The following CLASP1 variants were observed in gnomAD, a reference collection of about 807,000 sequenced individuals.
CLASP1 encodes cytoplasmic linker associated protein 1, also known as CLIP-associating protein 1.
A neutral mutation model predicts 192.3 loss-of-function variants in CLASP1; 38 were observed. The observed-to-expected ratio is 0.20, with a 90% CI of 0.15 to 0.26. The LOEUF (loss-of-function observed/expected upper bound fraction) is 0.26. Ranked by LOEUF, CLASP1 falls within the 10% of genes least tolerant of loss-of-function variation. CLASP1 has a pLI of 1.00. For missense variants in CLASP1, 1,433 were observed against 1,932.5 expected, an observed-to-expected ratio of 0.74 and a Z score of 4.85; for synonymous variants, 691 against 712.8, an observed-to-expected ratio of 0.97 and a Z score of 0.49.
chr2:121,532,176 T>C (rs2094911653), intron 2 of CLASP1, among the ~76,000 whole-genome samples: 1 of 152,220 alleles, frequency 6.6e-6, no homozygotes, highest in Admixed American at 6.5e-5. Context: ...ATTGGCCCAA[T>C]AATCCCCACA....
chr2:121,563,321 A>T (rs2059249699), intron 2 of CLASP1, among the ~76,000 whole-genome samples: 2 of 152,200 alleles, frequency 1.3e-5, no homozygotes, highest in Admixed American at 6.5e-5. Context: ...CATCACATTG[A>T]AAAAGGAGAT....
intron 2 of CLASP1, among the ~76,000 whole-genome samples, chr2:121,584,469 C>A (rs764369923): frequency 6.6e-6 from 1 of 152,128 alleles, no homozygotes; most frequent in Non-Finnish European, 1.5e-5. Context: ...GAATCAACTA[C>A]CTGAAACTTA....
chr2:121,424,780 T>C (rs2080100751), intron 22 of CLASP1, among the ~76,000 whole-genome samples: 1 of 152,314 alleles, frequency 6.6e-6, no homozygotes, highest in East Asian at 1.9e-4. Flanking sequence ...GAAAAATTCA[T>C]ATAGGTTAAT....
chr2:121,630,103 A>G (rs2069201373), intron 1 of CLASP1, among the ~76,000 whole-genome samples: 1 of 151,864 alleles, frequency 6.6e-6, no homozygotes, highest in African/African-American at 2.4e-5. Flanking sequence ...CATTTTTAGT[A>G]GAGACAGGAT....
chr2:121,340,723 A>C, exon 40 of CLASP1: 1 of 642,144 alleles, frequency 1.6e-6, no homozygotes, highest in Admixed American at 2.8e-5. Context: ...AAAAGCTGGA[A>C]GGGACCAAAA....
chr2:121,478,954 A>C (rs1575284978), intron 8 of CLASP1, among the ~76,000 whole-genome samples: 1 of 29,304 alleles, frequency 3.4e-5, no homozygotes. Flanking sequence ...CACACACCAC[A>C]CACACACACC....
chr2:121,536,414 A>G (rs2095081429), intron 2 of CLASP1, among the ~76,000 whole-genome samples: 1 of 151,742 alleles, frequency 6.6e-6, no homozygotes, highest in African/African-American at 2.4e-5. Flanking sequence ...ATTAAAAATA[A>G]TATTACCATA....
intron 8 of CLASP1, among the ~76,000 whole-genome samples, chr2:121,498,552 C>A (rs1334686526): frequency 6.6e-6 from 1 of 152,130 alleles, no homozygotes; most frequent in Non-Finnish European, 1.5e-5. Context: ...AAAAAATAAA[C>A]AGATAAATTG....
intron 8 of CLASP1, among the ~76,000 whole-genome samples, chr2:121,497,406 G>T (rs1035245032): frequency 3.3e-5 from 5 of 152,080 alleles, no homozygotes; most frequent in Non-Finnish European, 7.4e-5. Flanking sequence ...ATATAAATTT[G>T]GTTTTAGATA....
At chr2:121,602,455 A>G (rs1215262309) in intron 2 of CLASP1, among the ~76,000 whole-genome samples, 1 of 152,218 alleles carries the variant, frequency 6.6e-6, no homozygotes, top group African/African-American at 2.4e-5. Flanking sequence ...TAGAAAAAAA[A>G]GTCCTAAAAT....
In CLASP1 at chr2:121,460,869, G is replaced by A. The variant is rs557999637; in HGVS notation, c.1032+232C>T. On this transcript the variant is annotated intron_variant, in intron 11 of 39. Transcript: ENST00000263710. Reference sequence around the variant, plus strand: ...GGAGACTATTACCATACATTCCACAGTCAGGTCTTTGTTAAAAGACTAGGC... The same window carrying A: ...GGAGACTATTACCATACATTCCACAATCAGGTCTTTGTTAAAAGACTAGGC... Among the ~76,000 whole-genome samples the A allele has an allele frequency of 6.6e-5, 10 of 152,294 alleles. No homozygotes were observed. The South Asian group carries it at 1.2e-3, about 19-fold the overall frequency.
At chr2:121,463,284 T>C (rs1575100512) in intron 9 of CLASP1, among the ~76,000 whole-genome samples, 1 of 152,216 alleles carries the variant, frequency 6.6e-6, no homozygotes, top group East Asian at 1.9e-4. Context: ...TATAGTCCTC[T>C]TCATAACCCC....
chr2:121,472,494 T>C (rs1397717709), intron 8 of CLASP1, among the ~76,000 whole-genome samples: 1 of 152,184 alleles, frequency 6.6e-6, no homozygotes, highest in Non-Finnish European at 1.5e-5. Context: ...TCACCCCAAC[T>C]TTCTGCCTGG....
intron 2 of CLASP1, among the ~76,000 whole-genome samples, chr2:121,579,217 T>G (rs1405496627): frequency 6.6e-6 from 1 of 152,152 alleles, no homozygotes; most frequent in Non-Finnish European, 1.5e-5. Flanking sequence ...TCTCCGTAAT[T>G]TACTATGAAG....
intron 8 of CLASP1, among the ~76,000 whole-genome samples, chr2:121,479,548 T>C (rs2092414381): frequency 1.3e-5 from 2 of 152,214 alleles, no homozygotes; most frequent in South Asian, 4.1e-4. Flanking sequence ...CCAAACTATA[T>C]TCCTTGCCCA....
intron 8 of CLASP1, among the ~76,000 whole-genome samples, chr2:121,499,029 TACTC>T (rs1251271386): frequency 6.6e-6 from 1 of 152,242 alleles, no homozygotes; most frequent in Non-Finnish European, 1.5e-5. Flanking sequence ...TTTGAGCAGT[TACTC>T]AGAAAGTTAA....
chr2:121,642,111 A>G (rs2072194451), intron 1 of CLASP1, among the ~76,000 whole-genome samples: 1 of 152,132 alleles, frequency 6.6e-6, no homozygotes, highest in South Asian at 2.1e-4. Flanking sequence ...ATTGGATTAC[A>G]TATAATAAAA....
chr2:121,537,053 A>G (rs937665760), intron 2 of CLASP1, among the ~76,000 whole-genome samples: 1 of 152,186 alleles, frequency 6.6e-6, no homozygotes. Context: ...TGATGGTTGT[A>G]TAACTCTGTG....
chr2:121,371,963 T>C (rs1056560089), intron 34 of CLASP1, among the ~76,000 whole-genome samples: 2 of 152,172 alleles, frequency 1.3e-5, no homozygotes, highest in Non-Finnish European at 2.9e-5. Flanking sequence ...CACTCAACTG[T>C]GCTCACAAGA....
Sources: allele counts gnomAD v4.1 joint callset (sites outside exome capture counted in the v4.1 genomes callset), GRCh38; gene constraint gnomAD v4.1.1; transcripts MANE v1.5; gene names NCBI Gene and HGNC (gene_info 2026-07-23, HGNC 2026-07-21).